Variants in TRPM3 observed in about 807,000 individuals in gnomAD.
TRPM3 encodes long transient receptor potential channel 3.
In TRPM3, 77 loss-of-function variants were observed where a neutral mutation model predicts 181.2. The observed-to-expected ratio is 0.42, with a 90% CI of 0.35 to 0.51. The LOEUF (loss-of-function observed/expected upper bound fraction) is 0.51. TRPM3 is among the 20% of genes least tolerant of loss of function. The pLI is 0.01. For synonymous variants in TRPM3, 745 were observed against 796.4 expected (o/e 0.94, Z 1.09); for missense variants, 1,759 against 2,196.7 (o/e 0.80, Z 3.98).
At chr9:71,282,939 TCA>T (rs926763878) in intron 1 of TRPM3, among the ~76,000 whole-genome samples, 1 of 152,114 alleles carries the variant, frequency 6.6e-6, no homozygotes, top group Non-Finnish European at 1.5e-5. Flanking sequence ...TTTCTCAGTC[TCA>T]CTTTTAGGCC....
intron 1 of TRPM3, among the ~76,000 whole-genome samples, chr9:71,375,461 T>C (rs1199649234): frequency 6.6e-6 from 1 of 152,168 alleles, no homozygotes; most frequent in Non-Finnish European, 1.5e-5. Flanking sequence ...GACATAGGCA[T>C]GGGCAAAGAT....
intron 1 of TRPM3, among the ~76,000 whole-genome samples, chr9:71,242,293 T>C (rs1239523044): frequency 6.6e-6 from 1 of 152,156 alleles, no homozygotes; most frequent in African/African-American, 2.4e-5. Context: ...CGGCATGATC[T>C]ACAGGGGGCA....
At chr9:70,652,617 A>G (rs1240505506) in intron 9 of TRPM3, among the ~76,000 whole-genome samples, 1 of 152,332 alleles carries the variant, frequency 6.6e-6, no homozygotes, top group East Asian at 1.9e-4. Context: ...CTCACAAAAA[A>G]TCTGTACAGT....
intron 1 of TRPM3, among the ~76,000 whole-genome samples, chr9:71,439,717 G>A (rs1193477710): frequency 6.6e-6 from 1 of 151,930 alleles, no homozygotes; most frequent in East Asian, 1.9e-4. Flanking sequence ...AAGAAAAGAT[G>A]GCAAATTGTT....
At chr9:71,010,397 C>CA (rs2097723311) in intron 1 of TRPM3, among the ~76,000 whole-genome samples, 5 of 151,662 alleles carry the variant, frequency 3.3e-5, no homozygotes, top group South Asian at 4.2e-4. Flanking sequence ...AACAAACAAA[C>CA]AAAAAAACAA....
At chr9:71,372,797 A>T (rs2092558855) in intron 1 of TRPM3, among the ~76,000 whole-genome samples, 1 of 152,194 alleles carries the variant, frequency 6.6e-6, no homozygotes, top group Admixed American at 6.5e-5. Context: ...GTCAAGACCC[A>T]TTGGCATGCT....
At chr9:70,584,864 C>A (rs997820934) in intron 22 of TRPM3, among the ~76,000 whole-genome samples, 43 of 152,192 alleles carry the variant, frequency 2.8e-4, no homozygotes, top group Non-Finnish European at 8.8e-5. Flanking sequence ...CACAGCAAAG[C>A]CTCAATCTTG....
chr9:70,533,530 A>G lies in TRPM3; in HGVS notation c.*2423T>C, dbSNP rs946292253. The stretch of plus-strand genomic sequence containing the variant: ...AACATGGTTCCTTTCCCTCATAATC[A>G]ATATAGAACCAGGGGCTCATGAACC... On this transcript the variant is annotated 3_prime_UTR_variant, in exon 26 of 26. Transcript: ENST00000677713. 1.3e-5 allele frequency: 2 copies of G among 152,164 alleles called. No individual in the cohort carries two copies. The highest frequency in any genetic ancestry group is 4.8e-5 in the African/African-American group (2 of 41,432). 9.4% of individuals were successfully genotyped at this position (152,164 alleles called of 1,614,324 possible).
In TRPM3 at chr9:71,028,536, A is replaced by G. The variant is rs906282513; in HGVS notation, c.177+92642T>C. Among the ~76,000 whole-genome samples, 7 of 152,154 alleles carry G rather than the reference A, an allele frequency of 4.6e-5. 1 individual carries two copies. Among genetic ancestry groups the G allele is most frequent in the Non-Finnish European group, 8.8e-5 (6 of 68,022 alleles). On this transcript the variant is annotated intron_variant, in intron 1 of 25. Coordinates refer to ENST00000677713, the MANE Select transcript of TRPM3 (RefSeq NM_001366145.2). ...AGAGCAGCAAGTTACATAAATAACC[A>G]AAACCTAGTGATATGCTATCTTCAA...
intron 1 of TRPM3, among the ~76,000 whole-genome samples, chr9:71,110,858 C>A (rs2070917144): frequency 6.6e-6 from 1 of 152,086 alleles, no homozygotes; most frequent in African/African-American, 2.4e-5. Flanking sequence ...TAGATTTTAT[C>A]TCAAAATCTT....
intron 1 of TRPM3, among the ~76,000 whole-genome samples, chr9:71,001,844 G>C (rs1482162912): frequency 1.3e-5 from 2 of 152,218 alleles, no homozygotes; most frequent in East Asian, 3.9e-4. Context: ...TTTTGCCTTT[G>C]TTGCTTAGTT....
intron 1 of TRPM3, among the ~76,000 whole-genome samples, chr9:70,946,972 A>G (rs987404447): frequency 3.3e-5 from 5 of 152,194 alleles, no homozygotes; most frequent in Non-Finnish European, 7.3e-5. Flanking sequence ...TGTTGTTGAT[A>G]CACTTTTGAA....
intron 1 of TRPM3, among the ~76,000 whole-genome samples, chr9:71,001,338 T>A (rs1230926455): frequency 6.6e-6 from 1 of 152,158 alleles, no homozygotes; most frequent in Non-Finnish European, 1.5e-5. Flanking sequence ...CTAACAAATA[T>A]AAAGATACAG....
intron 1 of TRPM3, among the ~76,000 whole-genome samples, chr9:71,140,140 C>G (rs1376675090): frequency 6.6e-6 from 1 of 152,118 alleles, no homozygotes; most frequent in Non-Finnish European, 1.5e-5. Flanking sequence ...AATCAACAGC[C>G]TCAGACTTCT....
chr9:70,535,974 G>A lies in TRPM3; in HGVS notation c.5139C>T (p.Ser1713=), dbSNP rs764211711. ...AGGTTTAGTTGTGCTTGCTTTCAAAGCTTTGGAAAGCCGATGTTCTGGACA... is the reference window on the plus strand; with the variant it reads ...AGGTTTAGTTGTGCTTGCTTTCAAAACTTTGGAAAGCCGATGTTCTGGACA... ...RRLSRTSAFQ[S]FESKHN is the part of the protein sequence containing the mutation. The change falls in exon 26 of 26, where the codon AGC becomes AGT. Residue 1713 remains serine (S), a synonymous_variant. Transcript: ENST00000677713. The A allele has an allele frequency of 5.0e-6, 8 of 1,603,450 alleles. No homozygotes were observed. In the South Asian group the frequency reaches 5.6e-5, roughly 11 times the overall value.
intron 1 of TRPM3, among the ~76,000 whole-genome samples, chr9:71,133,292 CTTT>C (rs761379173): frequency 2.1e-4 from 15 of 72,330 alleles, no homozygotes; most frequent in Admixed American, 9.9e-4. Flanking sequence ...TAGCAAATTG[CTTT>C]TTTTTTTTTT....
intron 6 of TRPM3, 53 bp from the exon 7 acceptor site, chr9:70,784,332 A>G: frequency 6.7e-7 from 1 of 1,497,580 alleles, no homozygotes; most frequent in Non-Finnish European, 8.9e-7. Flanking sequence ...ACACAAAGCC[A>G]GCAAACCAAA....
chr9:70,914,548 G>T (rs1430982479), intron 1 of TRPM3, among the ~76,000 whole-genome samples: 1 of 152,184 alleles, frequency 6.6e-6, no homozygotes. Context: ...TAATTAAAGG[G>T]CATGGAGTTA....
At chr9:71,159,761 C>T (rs979732739) in intron 1 of TRPM3, among the ~76,000 whole-genome samples, 1 of 152,058 alleles carries the variant, frequency 6.6e-6, no homozygotes, top group Non-Finnish European at 1.5e-5. Context: ...CTGCTAAGAT[C>T]ATCTATATTT....
Sources: gnomAD v4.1 joint callset for allele counts (sites outside exome capture counted in the v4.1 genomes callset) on GRCh38, gnomAD v4.1.1 for gene constraint, MANE v1.5 for transcripts, NCBI Gene and HGNC (gene_info 2026-07-23, HGNC 2026-07-21) for gene names.